Variants in PCNT observed in about 807,000 individuals in gnomAD.
The protein encoded by PCNT is pericentrin, also known as kendrin.
PCNT carries 319 observed loss-of-function variants against 380.4 expected under a neutral mutation model. The ratio of observed to expected loss-of-function variants is 0.84; its 90% confidence interval spans 0.77 to 0.92. PCNT has a LOEUF of 0.92. Ranked by LOEUF, PCNT falls within the 40% of genes least tolerant of loss-of-function variation. The pLI, the probability that PCNT is intolerant of heterozygous loss-of-function variation, is 0.00. For missense variants in PCNT, 4,400 were observed against 4,255.3 expected, an observed-to-expected ratio of 1.03 and a Z score of -0.95; for synonymous variants, 1,845 against 1,735.2, an observed-to-expected ratio of 1.06 and a Z score of -1.57.
In PCNT at chr21:46,431,526, T is replaced by A. The variant is rs770730881; in HGVS notation, c.8065-3T>A. On this transcript the variant is annotated splice_polypyrimidine_tract_variant and splice_region_variant and intron_variant, in intron 37 of 46. Transcript: ENST00000359568. ...TCTCCCATCGTATGTGTTTGCTGTC[T>A]AGGAGCTGCGGGCGTCTTTGGAGAC... 3 of 1,614,014 alleles carry A rather than the reference T, an allele frequency of 1.9e-6. No homozygotes were observed. The South Asian group carries it at 3.3e-5, about 18-fold the overall frequency.
intron 45 of PCNT, among the ~76,000 whole-genome samples, chr21:46,444,390 G>T (rs79409711): frequency 1.5e-3 from 230 of 152,322 alleles, no homozygotes; most frequent in Non-Finnish European, 3.0e-3. Flanking sequence ...AGTTTGGGAA[G>T]ATCAGGAAAG....
rs759803403 is a variant in PCNT at position 46,428,573 on chromosome 21, A to C, written c.7673A>C (p.His2558Pro). The change falls in exon 35 of 47, where the codon CAC (histidine) becomes CCC (proline). Residue 2558 changes from histidine (H) to proline (P), a missense_variant. Transcript: ENST00000359568. ...SAEARGSQQE[H>P]QLRRQVELLA... ...GAGGCGCGCGGGAGCCAGCAGGAGC[A>C]CCAGCTGCGCAGGCAGGGTGGGTGT... is the stretch of plus-strand genomic sequence containing the variant. The C allele has an allele frequency of 6.2e-7, 1 of 1,601,586 alleles. No individual in the cohort carries two copies. The highest frequency in any genetic ancestry group is 8.5e-7 in the Non-Finnish European group (1 of 1,178,580).
intron 6 of PCNT, among the ~76,000 whole-genome samples, chr21:46,348,666 G>A (rs534656084): frequency 2.0e-5 from 3 of 152,312 alleles, no homozygotes; most frequent in African/African-American, 7.2e-5. Context: ...CCAGGCTGGA[G>A]TGCAGTGGCA....
intron 15 of PCNT, among the ~76,000 whole-genome samples, chr21:46,376,394 G>A (rs768713383): frequency 6.6e-6 from 1 of 152,214 alleles, no homozygotes; most frequent in Non-Finnish European, 1.5e-5. Context: ...CACATCCTTT[G>A]CTGGGCACCG....
chr21:46,324,738 C>T, intron 1 of PCNT: 1 of 326,992 alleles, frequency 3.1e-6, no homozygotes, highest in East Asian at 1.7e-4. Flanking sequence ...TGGCCTGGGG[C>T]GGGCGGCCGG....
At chr21:46,410,189 G>A (rs1454369667) in intron 27 of PCNT, among the ~76,000 whole-genome samples, 3 of 152,166 alleles carry the variant, frequency 2.0e-5, no homozygotes, top group Non-Finnish European at 4.4e-5. Context: ...GCAGCTGGGA[G>A]GCTGCTTTTG....
At chr21:46,374,281 A>G (rs1161638598) in intron 15 of PCNT, among the ~76,000 whole-genome samples, 2 of 152,096 alleles carry the variant, frequency 1.3e-5, no homozygotes, top group Non-Finnish European at 2.9e-5. Flanking sequence ...TCTGCGAGTG[A>G]GGTGTTTTCC....
At chr21:46,387,863 C>T (rs1002248178) in intron 17 of PCNT, among the ~76,000 whole-genome samples, 1 of 152,048 alleles carries the variant, frequency 6.6e-6, no homozygotes, top group African/African-American at 2.4e-5. Flanking sequence ...AATCATAGTG[C>T]AGGGAGCGAG....
chr21:46,338,762 T>C (rs769122438), intron 3 of PCNT, among the ~76,000 whole-genome samples: 1 of 151,934 alleles, frequency 6.6e-6, no homozygotes. Context: ...TGCACCACCA[T>C]GCCTGGCTAA....
rs1204884976 is a variant in PCNT at position 46,384,253 on chromosome 21, C to T, written c.3313-1579C>T. 2.0e-5 allele frequency among the ~76,000 whole-genome samples: 3 copies of T among 147,526 alleles called. 1 individual carries two copies. Among genetic ancestry groups the T allele is most frequent in the African/African-American group, 7.4e-5 (3 of 40,384 alleles). On this transcript the variant is annotated intron_variant, in intron 16 of 46. Transcript: ENST00000359568. ...GCGTTCAGTGGCGGAAGCGCATTCA[C>T]AGTGTTGTATATTCAGTGGCGGAAG... is the stretch of plus-strand genomic sequence containing the variant.
Position 46,412,924 on chromosome 21 carries a change from A to G in PCNT, c.6082A>G (p.Arg2028Gly). 6.2e-7 allele frequency: 1 copy of G among 1,612,440 alleles called. No individual in the cohort carries two copies. The highest frequency in any genetic ancestry group is 1.3e-5 in the African/African-American group (1 of 75,048). The part of the protein sequence containing the change: ...GVMSVLTVCQ[R>G]QLQSELLLVK... The stretch of plus-strand genomic sequence containing the variant: ...GATGTCAGTGCTCACCGTCTGCCAG[A>G]GGCAGCTGCAGTCGGAGCTGCTCTT... The change falls in exon 29 of 47, where the codon AGG (arginine) becomes GGG (glycine). Residue 2028 changes from arginine to glycine, a missense_variant. By Grantham distance (125) the Arg-to-Gly change is moderately radical. Transcript: ENST00000359568.
intron 39 of PCNT, among the ~76,000 whole-genome samples, 196 bp from the exon 40 acceptor site, chr21:46,436,783 C>T (rs2053469416): frequency 6.6e-6 from 1 of 152,312 alleles, no homozygotes; most frequent in Middle Eastern, 3.4e-3. Context: ...GGTTTCTGAG[C>T]TCTGCAGAAG....
At chr21:46,385,423 G>T (rs1264538989) in intron 16 of PCNT, among the ~76,000 whole-genome samples, 1 of 152,210 alleles carries the variant, frequency 6.6e-6, no homozygotes, top group Non-Finnish European at 1.5e-5. Flanking sequence ...GACTTATTTC[G>T]AATTGCTGTT....
chr21:46,374,820 G>T (rs1023748231), intron 15 of PCNT, among the ~76,000 whole-genome samples: 2 of 133,708 alleles, frequency 1.5e-5, no homozygotes, highest in African/African-American at 5.8e-5. Context: ...TTGCACTCCA[G>T]CCTGGGCAAC....
chr21:46,435,217 T>C (rs1247442293), intron 38 of PCNT, among the ~76,000 whole-genome samples: 1 of 152,070 alleles, frequency 6.6e-6, no homozygotes, highest in Non-Finnish European at 1.5e-5. Context: ...AGTTGTTGTT[T>C]TTTTTGTTTT....
chr21:46,355,378 A>G, intron 11 of PCNT, 74 bp from the exon 12 acceptor site: 2 of 1,484,254 alleles, frequency 1.3e-6, no homozygotes, highest in East Asian at 2.3e-5. Context: ...AGCAGGAAAC[A>G]CCTTTGAGGG....
intron 16 of PCNT, among the ~76,000 whole-genome samples, chr21:46,384,443 T>C (rs73377344): frequency 0.63 from 86,189 of 136,282 alleles, 30,223 homozygotes; most frequent in African/African-American, 0.78. Flanking sequence ...TATTCAGTGA[T>C]GGAAGCGCAT....
At chr21:46,372,652 A>G (rs1250109813) in intron 15 of PCNT, among the ~76,000 whole-genome samples, 2 of 152,236 alleles carry the variant, frequency 1.3e-5, no homozygotes, top group Admixed American at 6.5e-5. Flanking sequence ...TCTCATTTCT[A>G]GCCATAAAGT....
intron 27 of PCNT, among the ~76,000 whole-genome samples, chr21:46,409,190 C>CTTT (rs11399485): frequency 0.34 from 41,727 of 123,672 alleles, 8,026 homozygotes; most frequent in Middle Eastern, 0.44. Context: ...AAACTTTTTA[C>CTTT]TTTTTTTTTT....
Sources: gnomAD v4.1 joint callset for allele counts (sites outside exome capture counted in the v4.1 genomes callset) on GRCh38, gnomAD v4.1.1 for gene constraint, MANE v1.5 for transcripts, NCBI Gene and HGNC (gene_info 2026-07-23, HGNC 2026-07-21) for gene names.